Variants in ERC1 observed in about 807,000 individuals in gnomAD.
ERC1 encodes ELKS/RAB6-interacting/CAST family member 1.
In ERC1, 56 loss-of-function variants were observed where a neutral mutation model predicts 132.0. The observed-to-expected ratio is 0.42, with a 90% CI of 0.34 to 0.53. ERC1 has a LOEUF of 0.53. Ranked by LOEUF, ERC1 falls within the 20% of genes least tolerant of loss-of-function variation. The pLI, the probability that ERC1 is intolerant of heterozygous loss-of-function variation, is 0.03. For missense variants in ERC1, 1,202 were observed against 1,349.9 expected (o/e 0.89, Z 1.72); for synonymous variants, 478 against 476.1 (o/e 1.00, Z -0.05).
At chr12:1,333,250 C>T (rs558256535) in intron 15 of ERC1, among the ~76,000 whole-genome samples, 1 of 151,876 alleles carries the variant, frequency 6.6e-6, no homozygotes, top group East Asian at 1.9e-4. Context: ...TGGTCTCCAG[C>T]TCCATCCATG....
intron 7 of ERC1, among the ~76,000 whole-genome samples, chr12:1,116,794 G>C (rs148281847): frequency 0.022 from 3,345 of 152,154 alleles, 61 homozygotes; most frequent in Non-Finnish European, 0.034. Context: ...TATTGGCCAG[G>C]CTGGTCTCGA....
rs917354925 is a variant in ERC1, at chr12:1,242,594, C to T, written c.2487+5690C>T. ...AAAATAACCTTTCTTCTTATGAAAA[C>T]GGAGTCAAATTCCTTACAGAGCTCC... On this transcript the variant is annotated intron_variant, in intron 13 of 18. Coordinates refer to ENST00000360905, the MANE Select transcript of ERC1 (RefSeq NM_178040.4). Among the ~76,000 whole-genome samples the T allele has an allele frequency of 2.0e-5, 3 of 152,052 alleles. No individual in the cohort carries two copies. The East Asian group carries it at 5.8e-4, about 29-fold the overall frequency.
At chr12:1,406,421 AC>A in intron 16 of ERC1, among the ~76,000 whole-genome samples, 2 of 152,342 alleles carry the variant, frequency 1.3e-5, no homozygotes, top group South Asian at 4.1e-4. Context: ...GACATATTCT[AC>A]CAGGTATGAA....
At chr12:1,279,028 C>T (rs2078475588) in intron 14 of ERC1, among the ~76,000 whole-genome samples, 1 of 152,130 alleles carries the variant, frequency 6.6e-6, no homozygotes. Context: ...TAAAATCCTT[C>T]TAAGTGAATG....
At chr12:1,392,753 T>C (rs568300983) in intron 16 of ERC1, among the ~76,000 whole-genome samples, 1 of 152,344 alleles carries the variant, frequency 6.6e-6, no homozygotes, top group Non-Finnish European at 1.5e-5. Context: ...TTTAAGATAC[T>C]TTTCTATAAT....
At chr12:1,485,201 CTTTTTTT>C (rs71441650) in intron 18 of ERC1, among the ~76,000 whole-genome samples, 1 of 96,378 alleles carries the variant, frequency 1.0e-5, no homozygotes, top group South Asian at 3.9e-4. Flanking sequence ...GTTTATATTT[CTTTTTTT>C]TTTTTTTTTT....
At chr12:1,121,400 G>T (rs557695956) in intron 7 of ERC1, among the ~76,000 whole-genome samples, 5 of 152,318 alleles carry the variant, frequency 3.3e-5, no homozygotes, top group Admixed American at 2.6e-4. Context: ...GTAGGTTGAG[G>T]ACTAGCCACA....
chr12:1,407,935 AGGGGTTCTACATATGAATTTG>A (rs1034414331), intron 16 of ERC1, among the ~76,000 whole-genome samples, 193 bp from the exon 17 acceptor site: 20 of 152,118 alleles, frequency 1.3e-4, no homozygotes, highest in African/African-American at 4.8e-4. Context: ...GTTGGGGTTT[AGGGGTTCTACATATGAATTTG>A]GGGGAGGCAC....
At chr12:1,006,905 T>C (rs1261158448) in intron 1 of ERC1, among the ~76,000 whole-genome samples, 1 of 150,914 alleles carries the variant, frequency 6.6e-6, no homozygotes, top group African/African-American at 2.4e-5. Context: ...CGTTCCTCAT[T>C]CAAAAAATAT....
In ERC1 at chr12:1,211,051, A is replaced by G. The variant is rs139695853; in HGVS notation, c.2351+20999A>G. Among the ~76,000 whole-genome samples, 186 of 152,192 alleles carry G rather than the reference A, an allele frequency of 1.2e-3. 1 individual carries two copies. Among genetic ancestry groups the G allele is most frequent in the South Asian group, 4.2e-3 (20 of 4,812 alleles). On this transcript the variant is annotated intron_variant, in intron 12 of 18. Transcript: ENST00000360905. ...TACAAATTTCAATGTTTGTTATTGT[A>G]AGTTTCTATATTCAAAAATCACTTA...
chr12:1,254,315 G>A (rs1464862627), intron 13 of ERC1, among the ~76,000 whole-genome samples: 2 of 152,072 alleles, frequency 1.3e-5, no homozygotes, highest in African/African-American at 4.8e-5. Flanking sequence ...CCAAGTTAGG[G>A]CAGGTGCATG....
At chr12:1,119,570 A>T (rs10773926) in intron 7 of ERC1, among the ~76,000 whole-genome samples, 929 of 3,296 alleles carry the variant, frequency 0.28, 277 homozygotes, top group African/African-American at 0.37. Context: ...TGTGTGTGTG[A>T]GATGGAGTTT....
At chr12:1,190,441 T>A (rs1490656430) in intron 12 of ERC1, among the ~76,000 whole-genome samples, 2 of 152,240 alleles carry the variant, frequency 1.3e-5, no homozygotes, top group Non-Finnish European at 2.9e-5. Context: ...AGACCTTTGT[T>A]GTTGAGCTAA....
Position 1,140,074 on chromosome 12 carries a change from C to A in ERC1, c.1570-1546C>A, listed in dbSNP as rs555700596. On this transcript the variant is annotated intron_variant, in intron 7 of 18. Coordinates refer to ENST00000360905, the MANE Select transcript of ERC1 (RefSeq NM_178040.4). ...AGCTCAAATGATTATTCCCTACTTT[C>A]TGGCTTGGTGAGACTGGTCGCGTAG... Among the ~76,000 whole-genome samples, 11 of 152,214 alleles carry A rather than the reference C, an allele frequency of 7.2e-5. No individual in the cohort carries two copies. In the East Asian group the frequency reaches 1.2e-3, roughly 16 times the overall value.
chr12:1,346,872 G>T (rs1437829641), intron 15 of ERC1, among the ~76,000 whole-genome samples: 5 of 149,768 alleles, frequency 3.3e-5, no homozygotes, highest in Non-Finnish European at 5.9e-5. Context: ...AACCCGGGAA[G>T]CGGAGCTTGC....
intron 15 of ERC1, among the ~76,000 whole-genome samples, chr12:1,301,088 A>G (rs1481832945): frequency 6.6e-6 from 1 of 151,910 alleles, no homozygotes; most frequent in African/African-American, 2.4e-5. Flanking sequence ...GTAACACAGG[A>G]GTTAAAAACC....
In ERC1 at chr12:1,000,359, G is replaced by A. The variant is rs558930105; in HGVS notation, c.-157+9037G>A. On this transcript the variant is annotated intron_variant, in intron 1 of 18. Coordinates refer to ENST00000360905, the MANE Select transcript of ERC1 (RefSeq NM_178040.4). ...AAATTAGCTGGGTGTGGTGGTGCAC[G>A]CCTGTAATCACAGCCACTCTGGAGG... 6.6e-5 allele frequency among the ~76,000 whole-genome samples: 10 copies of A among 152,010 alleles called. No homozygotes were observed. In the South Asian group the frequency reaches 2.1e-3, roughly 32 times the overall value.
intron 15 of ERC1, among the ~76,000 whole-genome samples, chr12:1,296,823 A>G (rs1327731024): frequency 1.3e-5 from 2 of 152,250 alleles, no homozygotes; most frequent in African/African-American, 4.8e-5. Flanking sequence ...CCGAATGAAC[A>G]GAGCCTCAGT....
chr12:1,266,679 A>G (rs371295486), intron 14 of ERC1, among the ~76,000 whole-genome samples: 3 of 152,234 alleles, frequency 2.0e-5, no homozygotes, highest in African/African-American at 2.4e-5. Flanking sequence ...TGCTGGGATT[A>G]CAGGTGTAAG....
Sources: gnomAD v4.1 joint callset for allele counts (sites outside exome capture counted in the v4.1 genomes callset) on GRCh38, gnomAD v4.1.1 for gene constraint, MANE v1.5 for transcripts, NCBI Gene and HGNC (gene_info 2026-07-23, HGNC 2026-07-21) for gene names.